SNAPC1: variants seen among roughly 807,000 people sequenced by gnomAD.
SNAPC1 encodes small nuclear RNA activating complex polypeptide 1, also known as snRNA-activating protein complex subunit 1.
SNAPC1 carries 42 observed loss-of-function variants against 50.1 expected under a neutral mutation model. That is an observed-to-expected ratio of 0.84 (90% CI 0.65 to 1.08). The LOEUF is 1.08. Among genes scored for constraint, SNAPC1 ranks in the 50% least tolerant of loss-of-function variants. SNAPC1 has a pLI of 0.00. For synonymous variants in SNAPC1, 164 were observed against 144.2 expected, an observed-to-expected ratio of 1.14 and a Z score of -0.98; for missense variants, 477 against 427.3, an observed-to-expected ratio of 1.12 and a Z score of -1.02.
intron 1 of SNAPC1, among the ~76,000 whole-genome samples, chr14:61,763,707 A>G (rs1177404475): frequency 6.6e-6 from 1 of 151,638 alleles, no homozygotes; most frequent in Non-Finnish European, 1.5e-5. Context: ...CGCTTTCCAC[A>G]TTTTGTTGTA....
At chr14:61,772,347 C>T (rs988737380) in intron 4 of SNAPC1, among the ~76,000 whole-genome samples, 3 of 152,104 alleles carry the variant, frequency 2.0e-5, no homozygotes, top group Admixed American at 1.3e-4. Flanking sequence ...CGGGTTCAAG[C>T]GATTCTCCTG....
intron 4 of SNAPC1, among the ~76,000 whole-genome samples, chr14:61,769,522 C>A (rs10129169): frequency 6.6e-6 from 1 of 150,602 alleles, no homozygotes; most frequent in Non-Finnish European, 1.5e-5. Flanking sequence ...CTCAGCCTCC[C>A]GAGTAGCTGG....
intron 4 of SNAPC1, 137 bp downstream of exon 4, chr14:61,768,877 T>C: frequency 1.9e-6 from 1 of 533,206 alleles, no homozygotes; most frequent in East Asian, 2.9e-5. Flanking sequence ...TTCTCTAGAG[T>C]ATCAGACATA....
chr14:61,786,188 A>G (rs2045114858), intron 8 of SNAPC1, among the ~76,000 whole-genome samples: 1 of 152,162 alleles, frequency 6.6e-6, no homozygotes, highest in South Asian at 2.1e-4. Flanking sequence ...AAATTATAAA[A>G]CTTGTGAAAA....
At chr14:61,794,826 G>A (rs1245411001) in intron 9 of SNAPC1, 123 bp from the exon 10 acceptor site, 1 of 725,508 alleles carries the variant, frequency 1.4e-6, no homozygotes, top group Non-Finnish European at 2.4e-6. Flanking sequence ...GTACCAGTTA[G>A]ACGTCTATGT....
intron 1 of SNAPC1, among the ~76,000 whole-genome samples, chr14:61,766,101 C>G (rs2044946929): frequency 6.6e-6 from 1 of 152,194 alleles, no homozygotes; most frequent in African/African-American, 2.4e-5. Context: ...AAGACCTATG[C>G]TAACATTCTT....
chr14:61,763,940 A>T lies in SNAPC1; in HGVS notation c.128+1352A>T, dbSNP rs1001211666. Reference sequence around the variant, plus strand: ...TGCTCAATAAATGTTCATTATTATTATTTTTTTTTCTTGAGACATAGTCTT... The same window carrying T: ...TGCTCAATAAATGTTCATTATTATTTTTTTTTTTTCTTGAGACATAGTCTT... On this transcript the variant is annotated intron_variant, in intron 1 of 9. Transcript: ENST00000216294. Among the ~76,000 whole-genome samples the T allele has an allele frequency of 1.1e-4, 17 of 151,336 alleles. No homozygotes were observed. In the South Asian group the frequency reaches 1.3e-3, roughly 11 times the overall value.
intron 4 of SNAPC1, 116 bp from the exon 5 acceptor site, chr14:61,775,979 A>G (rs1158838062): frequency 1.5e-6 from 1 of 665,974 alleles, no homozygotes; most frequent in Admixed American, 3.4e-5. Flanking sequence ...ATACTATAGC[A>G]TGTTATTACC....
At chr14:61,784,992 G>T (rs942480386) in intron 8 of SNAPC1, among the ~76,000 whole-genome samples, 5 of 152,124 alleles carry the variant, frequency 3.3e-5, no homozygotes, top group Admixed American at 3.3e-4. Flanking sequence ...ATTTAGGGAG[G>T]TAAGGGTGAC....
intron 8 of SNAPC1, among the ~76,000 whole-genome samples, chr14:61,783,697 G>C (rs1380783594): frequency 6.6e-6 from 1 of 151,602 alleles, no homozygotes; most frequent in African/African-American, 2.4e-5. Flanking sequence ...CACCATGCCT[G>C]GGTAATTTGT....
chr14:61,780,245 T>C (rs1458390927), intron 7 of SNAPC1, among the ~76,000 whole-genome samples: 3 of 152,204 alleles, frequency 2.0e-5, no homozygotes, highest in Non-Finnish European at 4.4e-5. Context: ...CCATTCCTTA[T>C]GCAGGTTTCA....
At position 61,762,443 on chromosome 14, in the gene SNAPC1, G is replaced by T. The variant is rs1022891065; in HGVS notation, c.-18G>T. 3.1e-6 allele frequency: 5 copies of T among 1,610,390 alleles called. No individual in the cohort carries two copies. Among genetic ancestry groups the T allele is most frequent in the African/African-American group, 1.3e-5 (1 of 75,024 alleles). ...TTAGAGGCGTGCGGGCTTCGGAGGC[G>T]TGCGGGCTTCGGGTGCCATGGGGAC... On this transcript the variant is annotated 5_prime_UTR_variant, in exon 1 of 10. Transcript: ENST00000216294.
At chr14:61,775,993 C>G in intron 4 of SNAPC1, 102 bp from the exon 5 acceptor site, 3 of 783,610 alleles carry the variant, frequency 3.8e-6, no homozygotes, top group Non-Finnish European at 6.0e-6. Context: ...TATTACCTAT[C>G]AACTGGAAGT....
rs2044966862 is a variant in SNAPC1, at chr14:61,768,722, C to T, written c.516C>T (p.Ile172=). The T allele has an allele frequency of 1.9e-6, 3 of 1,599,666 alleles. No individual in the cohort carries two copies. The highest frequency in any genetic ancestry group is 2.7e-5 in the African/African-American group (2 of 74,526). The change falls in exon 4 of 10, where the codon ATC becomes ATT. Residue 172 remains isoleucine, a synonymous_variant. Coordinates refer to ENST00000216294, the MANE Select transcript of SNAPC1 (RefSeq NM_003082.4). ...CAAGTGATCGTGTGATGAAACTTAT[C>T]ACTTCTGATGTATTAGAGGTAAATT... ...KDPSDRVMKL[I]TSDVLEEMLN...
intron 8 of SNAPC1, among the ~76,000 whole-genome samples, chr14:61,786,421 A>G (rs2045116321): frequency 6.6e-6 from 1 of 152,234 alleles, no homozygotes; most frequent in Admixed American, 6.5e-5. Context: ...TCTTGTATCC[A>G]AAATAGTAAT....
intron 8 of SNAPC1, among the ~76,000 whole-genome samples, chr14:61,786,879 A>G (rs1566592941): frequency 1.3e-5 from 2 of 152,260 alleles, no homozygotes; most frequent in Admixed American, 6.5e-5. Context: ...CATAATTGCA[A>G]GAACTGCAAA....
At chr14:61,788,913 T>A (rs57029566) in intron 8 of SNAPC1, among the ~76,000 whole-genome samples, 4,076 of 152,270 alleles carry the variant, frequency 0.027, 123 homozygotes, top group African/African-American at 0.064. Flanking sequence ...TGTCAGTCCA[T>A]ACAAAGGAAT....
intron 1 of SNAPC1, among the ~76,000 whole-genome samples, chr14:61,764,584 A>G (rs1424350787): frequency 6.6e-6 from 1 of 152,240 alleles, no homozygotes; most frequent in Non-Finnish European, 1.5e-5. Context: ...TTTCTCCACC[A>G]TTACAAAGAT....
chr14:61,770,735 T>C (rs1041137463), intron 4 of SNAPC1, among the ~76,000 whole-genome samples: 1 of 152,086 alleles, frequency 6.6e-6, no homozygotes, highest in Admixed American at 6.5e-5. Flanking sequence ...GTCATACATA[T>C]GGATCCTTTT....
Sources: allele counts gnomAD v4.1 joint callset (sites outside exome capture counted in the v4.1 genomes callset), GRCh38; gene constraint gnomAD v4.1.1; transcripts MANE v1.5; gene names NCBI Gene and HGNC (gene_info 2026-07-23, HGNC 2026-07-21).